ATP2B1: variants seen among roughly 807,000 people sequenced by gnomAD.
The protein encoded by ATP2B1 is ATPase plasma membrane Ca2+ transporting 1, also known as plasma membrane calcium-transporting ATPase 1.
Under a neutral mutation model 124.2 loss-of-function variants are expected in ATP2B1, and 14 were observed. The ratio of observed to expected loss-of-function variants is 0.11; its 90% CI spans 0.07 to 0.18. The LOEUF is 0.18. ATP2B1 is among the 10% of genes least tolerant of loss of function. ATP2B1 has a pLI of 1.00. For missense variants in ATP2B1, 763 were observed against 1,466.1 expected, an observed-to-expected ratio of 0.52 and a Z score of 7.83; for synonymous variants, 449 against 492.4, an observed-to-expected ratio of 0.91 and a Z score of 1.17.
intron 2 of ATP2B1, among the ~76,000 whole-genome samples, chr12:89,649,550 C>A (rs1285462287): frequency 6.6e-6 from 1 of 152,156 alleles, no homozygotes; most frequent in Admixed American, 6.5e-5. Flanking sequence ...TGTTTTTGAT[C>A]TCACAGGCTC....
chr12:89,665,723 G>A (rs1262796794), intron 1 of ATP2B1, among the ~76,000 whole-genome samples: 1 of 152,198 alleles, frequency 6.6e-6, no homozygotes, highest in Non-Finnish European at 1.5e-5. Context: ...CTGTTCAGGA[G>A]CTAGAAGGCA....
At chr12:89,659,194 T>A (rs1464455222) in intron 1 of ATP2B1, among the ~76,000 whole-genome samples, 2 of 152,216 alleles carry the variant, frequency 1.3e-5, no homozygotes, top group Non-Finnish European at 2.9e-5. Context: ...GAATTTTATC[T>A]TCTACTTGAA....
At chr12:89,704,138 G>A (rs1269418777) in intron 1 of ATP2B1, among the ~76,000 whole-genome samples, 1 of 152,098 alleles carries the variant, frequency 6.6e-6, no homozygotes, top group African/African-American at 2.4e-5. Flanking sequence ...TAATAAACAT[G>A]TTATAGTATA....
intron 1 of ATP2B1, among the ~76,000 whole-genome samples, chr12:89,704,418 C>T (rs548400853): frequency 6.6e-6 from 1 of 151,852 alleles, no homozygotes; most frequent in East Asian, 1.9e-4. Context: ...CCAAACAAAC[C>T]CATTCATATT....
At chr12:89,668,534 T>C (rs544411614) in intron 1 of ATP2B1, among the ~76,000 whole-genome samples, 16 of 152,196 alleles carry the variant, frequency 1.1e-4, no homozygotes, top group Non-Finnish European at 1.9e-4. Context: ...AATTATTTTA[T>C]AAGCCTAAAG....
At chr12:89,653,276 T>A (rs1057248696) in intron 2 of ATP2B1, among the ~76,000 whole-genome samples, 2 of 127,140 alleles carry the variant, frequency 1.6e-5, no homozygotes, top group Non-Finnish European at 3.1e-5. Context: ...TCACATAGAA[T>A]TTTTTTCTTT....
intron 1 of ATP2B1, among the ~76,000 whole-genome samples, chr12:89,695,580 C>T (rs1891048737): frequency 1.3e-5 from 2 of 151,960 alleles, no homozygotes; most frequent in Non-Finnish European, 2.9e-5. Flanking sequence ...CTTTTTTGGA[C>T]TAACTCTTTA....
intron 1 of ATP2B1, among the ~76,000 whole-genome samples, chr12:89,673,368 T>C (rs1888227524): frequency 6.6e-6 from 1 of 152,236 alleles, no homozygotes; most frequent in Non-Finnish European, 1.5e-5. Context: ...GCTCTCGTCT[T>C]TCCTATTTCA....
At chr12:89,663,565 A>G (rs943585471) in intron 1 of ATP2B1, among the ~76,000 whole-genome samples, 7 of 152,188 alleles carry the variant, frequency 4.6e-5, no homozygotes, top group African/African-American at 1.7e-4. Flanking sequence ...AGTAAATACC[A>G]TTTGGTAAAA....
chr12:89,666,250 A>T (rs996895578), intron 1 of ATP2B1, among the ~76,000 whole-genome samples: 4 of 152,190 alleles, frequency 2.6e-5, no homozygotes, highest in African/African-American at 9.7e-5. Context: ...GGCAACAGGG[A>T]TGTGTTGAAC....
At chr12:89,636,303 G>A (rs944787979) in intron 3 of ATP2B1, among the ~76,000 whole-genome samples, 14 of 152,022 alleles carry the variant, frequency 9.2e-5, no homozygotes, top group Non-Finnish European at 7.4e-5. Context: ...TTTTGACTTC[G>A]GGCTGTAATC....
chr12:89,601,556 TTA>T, intron 18 of ATP2B1, 123 bp from the exon 19 acceptor site: 1 of 540,048 alleles, frequency 1.9e-6, no homozygotes. Flanking sequence ...ATGAATTGTA[TTA>T]TATTAGTCAC....
intron 9 of ATP2B1, 29 bp from the exon 10 acceptor site, chr12:89,621,820 T>TA (rs1880013583): frequency 6.7e-7 from 1 of 1,487,760 alleles, no homozygotes; most frequent in Admixed American, 2.4e-5. Flanking sequence ...AAAAACTAGT[T>TA]AAGCTGCATA....
At chr12:89,650,559 C>T (rs1264024066) in intron 2 of ATP2B1, among the ~76,000 whole-genome samples, 1 of 152,168 alleles carries the variant, frequency 6.6e-6, no homozygotes, top group Non-Finnish European at 1.5e-5. Context: ...AACTCCTGGA[C>T]CTAATTTCAG....
chr12:89,694,092 T>A (rs1890848609), intron 1 of ATP2B1, among the ~76,000 whole-genome samples: 1 of 152,244 alleles, frequency 6.6e-6, no homozygotes, highest in Admixed American at 6.5e-5. Context: ...ACAATTAATT[T>A]GATACATTTC....
rs551843823 is a variant in ATP2B1 at position 89,635,920 on chromosome 12, T to G, written c.407-669A>C. Among the ~76,000 whole-genome samples, 10 of 152,214 alleles carry G rather than the reference T, an allele frequency of 6.6e-5. No individual in the cohort carries two copies. In the East Asian group the frequency reaches 1.9e-3, roughly 29 times the overall value. The stretch of plus-strand genomic sequence containing the variant: ...TAGTGAGTAAGACACACAAGCTCTC[T>G]CTCCTCATGGAATCCATACTCAGAC... On this transcript the variant is annotated intron_variant, in intron 3 of 20. Coordinates refer to ENST00000428670, the MANE Select transcript of ATP2B1 (RefSeq NM_001366521.1).
rs1461216851 is a variant in ATP2B1 at position 89,677,971 on chromosome 12, T to TATATATATATATAC, written c.-221-21865_-221-21864insGTATATATATATAT. 1.5e-3 allele frequency among the ~76,000 whole-genome samples: 81 copies of TATATATATATATAC among 52,296 alleles called. 1 individual carries two copies. Among genetic ancestry groups the TATATATATATATAC allele is most frequent in the African/African-American group, 5.0e-3 (71 of 14,282 alleles). The allele number at this position is 52,296 out of a possible 152,430, so 34.3% of individuals were successfully genotyped here. ...TGCAGGAATTATATATATATATATA[T>TATATATATATATAC]ACACACACACACACACACACACACA... On this transcript the variant is annotated intron_variant, in intron 1 of 20. Coordinates refer to ENST00000428670, the MANE Select transcript of ATP2B1 (RefSeq NM_001366521.1).
At chr12:89,673,239 T>C (rs890983847) in intron 1 of ATP2B1, among the ~76,000 whole-genome samples, 3 of 152,240 alleles carry the variant, frequency 2.0e-5, no homozygotes, top group African/African-American at 4.8e-5. Context: ...TGCATATTTG[T>C]GAACCTACAA....
chr12:89,603,977 C>G lies in ATP2B1; in HGVS notation c.2635-52G>C, dbSNP rs752503763. ...CATTCACAACTACTCAGGGGCTCAG[C>G]AATTCTCAGGAAACCTTTAGGGTTT... is the stretch of plus-strand genomic sequence containing the variant. On this transcript the variant is annotated intron_variant, in intron 16 of 20. Coordinates refer to ENST00000428670, the MANE Select transcript of ATP2B1 (RefSeq NM_001366521.1). The surrounding 1 kb of genome is among the most constrained non-coding windows in gnomAD (Gnocchi z 4.3). The G allele has an allele frequency of 6.4e-7, 1 of 1,562,330 alleles. No individual in the cohort carries two copies. Among genetic ancestry groups the G allele is most frequent in the South Asian group, 1.2e-5 (1 of 86,916 alleles).
Sources: gnomAD v4.1 joint callset for allele counts (sites outside exome capture counted in the v4.1 genomes callset) on GRCh38, gnomAD v4.1.1 for gene constraint, Gnocchi (gnomAD v3.1) non-coding constraint, MANE v1.5 for transcripts, NCBI Gene and HGNC (gene_info 2026-07-23, HGNC 2026-07-21) for gene names.